MED12L: variants seen among roughly 807,000 people sequenced by gnomAD.
MED12L encodes mediator of RNA polymerase II transcription subunit 12-like protein.
MED12L carries 60 observed loss-of-function variants against 281.3 expected under a neutral mutation model. That is an observed-to-expected ratio of 0.21 (90% CI 0.17 to 0.26). MED12L has a LOEUF of 0.26. MED12L is among the 10% of genes least tolerant of loss of function. MED12L has a pLI of 1.00. For missense variants in MED12L, 2,146 were observed against 2,680.9 expected, an observed-to-expected ratio of 0.80 and a Z score of 4.41; for synonymous variants, 974 against 987.2, an observed-to-expected ratio of 0.99 and a Z score of 0.25.
At chr3:151,383,139 A>G (rs1712700535) in intron 33 of MED12L, among the ~76,000 whole-genome samples, 2 of 152,234 alleles carry the variant, frequency 1.3e-5, no homozygotes, top group African/African-American at 2.4e-5. Context: ...ATTGATTATA[A>G]AGACAAATCC....
intron 2 of MED12L, among the ~76,000 whole-genome samples, chr3:151,096,356 A>C (rs143485761): frequency 5.9e-5 from 9 of 152,270 alleles, no homozygotes; most frequent in African/African-American, 1.9e-4. Context: ...TCCTTGAATA[A>C]TCATGAGGGC....
intron 2 of MED12L, among the ~76,000 whole-genome samples, chr3:151,091,789 C>A (rs1472181666): frequency 6.6e-6 from 1 of 152,210 alleles, no homozygotes; most frequent in Non-Finnish European, 1.5e-5. Flanking sequence ...GCAGTCATTG[C>A]CTGCAGCCAA....
chr3:151,165,388 G>A, intron 9 of MED12L, 32 bp from the exon 10 acceptor site: 2 of 1,575,816 alleles, frequency 1.3e-6, no homozygotes, highest in Non-Finnish European at 1.7e-6. Context: ...GGCATTCCAA[G>A]CACAAGTTAA....
At chr3:151,427,354 C>T (rs769370789) in intron 43 of MED12L, among the ~76,000 whole-genome samples, 35 of 152,136 alleles carry the variant, frequency 2.3e-4, no homozygotes, top group Non-Finnish European at 4.6e-4. Flanking sequence ...ATTTGAGGCC[C>T]TCTGACTATG....
intron 3 of MED12L, among the ~76,000 whole-genome samples, chr3:151,121,678 C>T (rs761281004): frequency 2.0e-5 from 3 of 151,966 alleles, no homozygotes; most frequent in South Asian, 4.2e-4. Context: ...TGAAAAAATT[C>T]CAACAGATTT....
In MED12L at chr3:151,368,600, ATTT is replaced by A. The variant is rs773822835; in HGVS notation, c.3550+351_3550+353del. Among the ~76,000 whole-genome samples the A allele has an allele frequency of 1.9e-3, 117 of 61,990 alleles. 1 individual carries two copies. Among genetic ancestry groups the A allele is most frequent in the South Asian group, 0.015 (25 of 1,716 alleles). 40.7% of individuals were successfully genotyped at this position (61,990 alleles called of 152,430 possible). On this transcript the variant is annotated intron_variant, in intron 25 of 44. Coordinates refer to ENST00000687756, the MANE Select transcript of MED12L (RefSeq NM_001393769.1). ...GGGCAATGGTGATTTATTTTATTTT[ATTT>A]TATTTTATTTTATTTTATTTTATTT...
In MED12L at chr3:151,154,470, A is replaced by T. The variant is rs748831320; in HGVS notation, c.557-1691A>T. 4.6e-4 allele frequency among the ~76,000 whole-genome samples: 70 copies of T among 152,218 alleles called. 1 individual carries two copies. Among genetic ancestry groups the T allele is most frequent in the Admixed American group, 1.3e-4 (2 of 15,288 alleles). On this transcript the variant is annotated intron_variant, in intron 5 of 44. Coordinates refer to ENST00000687756, the MANE Select transcript of MED12L (RefSeq NM_001393769.1). ...TGGTTTTTCTTTTCATGTCTGCAGT[A>T]TAAATTTTCTATAATGAACGCGTAT... is the stretch of plus-strand genomic sequence containing the variant.
At chr3:151,088,895 C>G (rs1404688001) in intron 2 of MED12L, among the ~76,000 whole-genome samples, 3 of 152,118 alleles carry the variant, frequency 2.0e-5, no homozygotes, top group African/African-American at 7.2e-5. Flanking sequence ...GATGTTATCC[C>G]CTTTCCCCCA....
At chr3:151,356,287 G>A (rs535128327) in intron 19 of MED12L, among the ~76,000 whole-genome samples, 3 of 152,180 alleles carry the variant, frequency 2.0e-5, no homozygotes, top group Admixed American at 2.0e-4. Context: ...AGCTACTTGG[G>A]AGGCTGAGGC....
chr3:151,338,009 C>A, intron 16 of MED12L: 3 of 1,614,114 alleles, frequency 1.9e-6, no homozygotes, highest in South Asian at 1.1e-5. Context: ...TGCTCTCTTT[C>A]ACATAGAACA....
intron 16 of MED12L, among the ~76,000 whole-genome samples, chr3:151,258,036 G>A (rs1171930189): frequency 6.6e-6 from 1 of 152,086 alleles, no homozygotes; most frequent in African/African-American, 2.4e-5. Context: ...ATTTATTTTT[G>A]ATATTCCTGA....
At chr3:151,380,323 G>A (rs1241878559) in intron 32 of MED12L, 99 bp downstream of exon 32, 13 of 796,418 alleles carry the variant, frequency 1.6e-5, no homozygotes, top group African/African-American at 7.3e-5. Flanking sequence ...AGGGCCAGGT[G>A]TGGTGGCTCA....
At chr3:151,299,606 G>A (rs1745630212) in intron 16 of MED12L, among the ~76,000 whole-genome samples, 1 of 151,426 alleles carries the variant, frequency 6.6e-6, no homozygotes, top group Non-Finnish European at 1.5e-5. Flanking sequence ...GGCCTCCTGA[G>A]TAGCAGGGAC....
At chr3:151,289,770 T>C (rs1003011280) in intron 16 of MED12L, among the ~76,000 whole-genome samples, 4 of 152,196 alleles carry the variant, frequency 2.6e-5, no homozygotes, top group Admixed American at 1.3e-4. Flanking sequence ...GGGAACCTAG[T>C]ATCTATTTGC....
intron 2 of MED12L, among the ~76,000 whole-genome samples, chr3:151,114,201 A>G (rs1712363115): frequency 6.6e-6 from 1 of 152,344 alleles, no homozygotes; most frequent in African/African-American, 2.4e-5. Flanking sequence ...ATGTAGGAGC[A>G]GTTTGGAGAT....
At chr3:151,211,813 A>G (rs1010316378) in intron 16 of MED12L, among the ~76,000 whole-genome samples, 1 of 152,138 alleles carries the variant, frequency 6.6e-6, no homozygotes, top group Admixed American at 6.5e-5. Context: ...ACGCCTGGCT[A>G]ATTATATTTT....
chr3:151,298,300 C>T (rs1745371070), intron 16 of MED12L, among the ~76,000 whole-genome samples: 1 of 152,116 alleles, frequency 6.6e-6, no homozygotes, highest in East Asian at 1.9e-4. Flanking sequence ...TTGTTCTTCC[C>T]TGACAGTAAA....
intron 2 of MED12L, among the ~76,000 whole-genome samples, chr3:151,101,036 G>A (rs1326513130): frequency 6.6e-6 from 1 of 152,134 alleles, no homozygotes; most frequent in African/African-American, 2.4e-5. Flanking sequence ...GAATGTAGTG[G>A]TAATGTCAAA....
At chr3:151,107,049 G>C (rs957530927) in intron 2 of MED12L, among the ~76,000 whole-genome samples, 1 of 148,626 alleles carries the variant, frequency 6.7e-6, no homozygotes, top group African/African-American at 2.5e-5. Flanking sequence ...GATATGGTTG[G>C]CTTTGGGTCT....
Sources: allele counts gnomAD v4.1 joint callset (sites outside exome capture counted in the v4.1 genomes callset), GRCh38; gene constraint gnomAD v4.1.1; transcripts MANE v1.5; gene names NCBI Gene and HGNC (gene_info 2026-07-23, HGNC 2026-07-21).